Variants in SPATA13 observed in about 807,000 individuals in gnomAD.
The protein encoded by SPATA13 is spermatogenesis-associated protein 13.
SPATA13 carries 50 observed loss-of-function variants against 104.0 expected under a neutral mutation model. That is an observed-to-expected ratio of 0.48 (90% CI 0.38 to 0.61). The LOEUF (loss-of-function observed/expected upper bound fraction) is 0.61. Among genes scored for constraint, SPATA13 ranks in the 20% least tolerant of loss-of-function variants. The pLI is 0.00. For missense variants in SPATA13, 1,524 were observed against 1,690.6 expected, an observed-to-expected ratio of 0.90 and a Z score of 1.73; for synonymous variants, 606 against 667.5, an observed-to-expected ratio of 0.91 and a Z score of 1.42.
chr13:24,277,240 C>A (rs557863557), intron 4 of SPATA13, among the ~76,000 whole-genome samples: 9 of 151,860 alleles, frequency 5.9e-5, no homozygotes, highest in African/African-American at 1.9e-4. Context: ...GTCAGGAGAT[C>A]GAGACCATCC....
At position 24,251,784 on chromosome 13, in the gene SPATA13, C is replaced by T. The variant is rs377038249; in HGVS notation, c.2086C>T (p.Arg696Trp). ...CTACAAGGCTGTGTCGGCCCGGTTC[C>T]GGCCCTTCACATTCTCCCAGAGCAC... ...PPYKAVSARF[R>W]PFTFSQSTPI... The change falls in exon 4 of 13, where the codon CGG becomes TGG. Residue 696 changes from arginine to tryptophan, a missense_variant. This residue lies in a region of SPATA13 where 1,089 missense variants were observed against 1,135.9 expected (regional missense o/e 0.96). Coordinates refer to ENST00000382108, the MANE Select transcript of SPATA13 (RefSeq NM_001166271.3). The T allele has an allele frequency of 1.8e-5, 29 of 1,614,100 alleles. No individual in the cohort carries two copies. Among genetic ancestry groups the T allele is most frequent in the African/African-American group, 4.0e-5 (3 of 74,934 alleles).
In SPATA13 at chr13:24,305,068, T is replaced by C. The variant is rs578007724; in HGVS notation, c.*2295T>C. On this transcript the variant is annotated 3_prime_UTR_variant, in exon 13 of 13. Transcript: ENST00000382108. ...TAAATGTAATATAAGAGAATTAGTT[T>C]AAGGAAGTAAAGAGAATCATTTGCT... 47 of 152,356 alleles carry C rather than the reference T, an allele frequency of 3.1e-4. No individual in the cohort carries two copies. Among genetic ancestry groups the C allele is most frequent in the African/African-American group, 1.1e-3 (47 of 41,586 alleles). 9.4% of individuals were successfully genotyped at this position (152,356 alleles called of 1,614,324 possible).
intron 4 of SPATA13, chr13:24,278,910 T>G: frequency 2.5e-6 from 3 of 1,215,972 alleles, no homozygotes; most frequent in Non-Finnish European, 2.2e-6. Flanking sequence ...CCTTCCTTCC[T>G]TCCTTCCTTC....
chr13:24,282,835 A>C (rs935967263), intron 4 of SPATA13, among the ~76,000 whole-genome samples: 3 of 152,226 alleles, frequency 2.0e-5, no homozygotes, highest in African/African-American at 7.2e-5. Context: ...AGCTCAGAGA[A>C]ATGCAGTCAC....
chr13:24,179,187 A>G (rs1157442073), intron 1 of SPATA13, among the ~76,000 whole-genome samples: 4 of 152,114 alleles, frequency 2.6e-5, no homozygotes, highest in Non-Finnish European at 4.4e-5. Flanking sequence ...GTTGATGGAC[A>G]TTTGGGTTGT....
chr13:24,033,191 C>G (rs1194078607), intron 3 of SPATA13, among the ~76,000 whole-genome samples: 1 of 152,176 alleles, frequency 6.6e-6, no homozygotes, highest in African/African-American at 2.4e-5. Context: ...AACTCCCACT[C>G]TGTGTGAAGC....
At chr13:24,052,321 T>C (rs1164897369) in intron 3 of SPATA13, among the ~76,000 whole-genome samples, 1 of 152,072 alleles carries the variant, frequency 6.6e-6, no homozygotes, top group East Asian at 1.9e-4. Flanking sequence ...AGAGGATTGC[T>C]TGAGGCCAGG....
intron 3 of SPATA13, among the ~76,000 whole-genome samples, chr13:24,145,938 A>G (rs1566120756): frequency 6.6e-6 from 1 of 152,054 alleles, no homozygotes; most frequent in Non-Finnish European, 1.5e-5. Context: ...GGGGACGAGC[A>G]CTCCCGACCA....
chr13:24,267,604 T>A (rs1022794307), intron 4 of SPATA13, among the ~76,000 whole-genome samples: 4 of 152,224 alleles, frequency 2.6e-5, no homozygotes, highest in Non-Finnish European at 4.4e-5. Context: ...TGAAAACTAA[T>A]GATTTTAACC....
chr13:24,115,082 A>G (rs1880791236), intron 3 of SPATA13, among the ~76,000 whole-genome samples: 2 of 152,210 alleles, frequency 1.3e-5, no homozygotes, highest in Non-Finnish European at 2.9e-5. Context: ...ATGCTCCTGC[A>G]GAGAAGAGGA....
chr13:23,982,942 G>T (rs530558972), intron 1 of SPATA13, among the ~76,000 whole-genome samples: 1 of 152,206 alleles, frequency 6.6e-6, no homozygotes, highest in African/African-American at 2.4e-5. Flanking sequence ...CTGCTCTGCC[G>T]TCTGGGAAGA....
chr13:24,012,158 C>G (rs1876497175), intron 2 of SPATA13, among the ~76,000 whole-genome samples: 1 of 152,228 alleles, frequency 6.6e-6, no homozygotes, highest in Non-Finnish European at 1.5e-5. Flanking sequence ...ATGATGAAAG[C>G]CTGCAGAGGT....
intron 3 of SPATA13, among the ~76,000 whole-genome samples, chr13:24,149,196 T>C (rs1360546642): frequency 6.6e-6 from 1 of 152,182 alleles, no homozygotes; most frequent in African/African-American, 2.4e-5. Context: ...CTGCAGTGTG[T>C]TCCAGTGATG....
At chr13:24,222,764 A>G in intron 1 of SPATA13, 55 bp from the exon 2 acceptor site, 2 of 1,436,498 alleles carry the variant, frequency 1.4e-6, no homozygotes, top group East Asian at 5.0e-5. Flanking sequence ...TTCTGTGAGC[A>G]GAGGGGCTAC....
intron 3 of SPATA13, among the ~76,000 whole-genome samples, chr13:24,133,104 C>T (rs565910601): frequency 1.1e-4 from 16 of 152,292 alleles, no homozygotes; most frequent in African/African-American, 2.4e-4. Flanking sequence ...GTATTTCCAG[C>T]GGGCAGGTGG....
chr13:24,156,277 C>A (rs1882254375), upstream of SPATA13, among the ~76,000 whole-genome samples: 1 of 152,176 alleles, frequency 6.6e-6, no homozygotes, highest in Non-Finnish European at 1.5e-5. Context: ...TCCACAGCAA[C>A]TGTGAGGACA....
chr13:23,987,094 A>G (rs1419579897), intron 2 of SPATA13, among the ~76,000 whole-genome samples: 1 of 100,274 alleles, frequency 1.0e-5, no homozygotes, highest in Non-Finnish European at 2.1e-5. Flanking sequence ...GATATTTTAA[A>G]TGAACTAGAG....
At position 24,290,367 on chromosome 13, in the gene SPATA13, G is replaced by A. The variant is rs73455743; in HGVS notation, c.2848-285G>A. ...CTGCTCCCCACCTTCCAGGATGAGC[G>A]TGAGGCAGGCTAGAAAGAGACCAGG... On this transcript the variant is annotated intron_variant, in intron 8 of 12. Transcript: ENST00000382108. Among the ~76,000 whole-genome samples, 595 of 152,294 alleles carry A rather than the reference G, an allele frequency of 3.9e-3. 5 individuals carry two copies. The highest frequency in any genetic ancestry group is 0.014 in the African/African-American group (575 of 41,552).
chr13:24,299,947 A>C (rs1257539946), intron 11 of SPATA13, among the ~76,000 whole-genome samples: 2 of 152,206 alleles, frequency 1.3e-5, no homozygotes, highest in Non-Finnish European at 2.9e-5. Context: ...GGGGTACAGA[A>C]TCCGCTACCT....
Sources: gnomAD v4.1 joint callset for allele counts (sites outside exome capture counted in the v4.1 genomes callset) on GRCh38, gnomAD v4.1.1 for gene constraint, gnomAD v4.1.1 regional missense constraint, MANE v1.5 for transcripts, NCBI Gene and HGNC (gene_info 2026-07-23, HGNC 2026-07-21) for gene names.